MYO1E: variants seen among roughly 807,000 people sequenced by gnomAD.
MYO1E encodes the protein unconventional myosin-Ie.
A neutral mutation model predicts 151.1 loss-of-function variants in MYO1E; 68 were observed. The ratio of observed to expected loss-of-function variants is 0.45; its 90% CI spans 0.37 to 0.55. The LOEUF (loss-of-function observed/expected upper bound fraction) is 0.55, where lower values mean the gene tolerates loss of function less well. Among genes scored for constraint, MYO1E ranks in the 20% least tolerant of loss-of-function variants. MYO1E has a pLI of 0.00. For missense variants in MYO1E, 1,363 were observed against 1,389.3 expected, an observed-to-expected ratio of 0.98 and a Z score of 0.30; for synonymous variants, 601 against 501.7, an observed-to-expected ratio of 1.20 and a Z score of -2.64.
chr15:59,180,444 C>T (rs1475276053), intron 18 of MYO1E, among the ~76,000 whole-genome samples: 3 of 152,014 alleles, frequency 2.0e-5, no homozygotes, highest in African/African-American at 7.3e-5. Context: ...TTGGCTTGAT[C>T]TAACCTAAAA....
chr15:59,145,369 T>C (rs1486684299), intron 26 of MYO1E, among the ~76,000 whole-genome samples: 1 of 152,178 alleles, frequency 6.6e-6, no homozygotes. Flanking sequence ...TTGTCAAACA[T>C]GGCCATTATT....
At chr15:59,234,237 GATGGATGGGTGCATGGATGGATGGGTGC>G (rs1266380298) in intron 5 of MYO1E, among the ~76,000 whole-genome samples, 1 of 141,594 alleles carries the variant, frequency 7.1e-6, no homozygotes, top group East Asian at 2.0e-4. Flanking sequence ...TGGATGGATG[GATGGATGGGTGCATGGATGGATGGGTGC>G]ATGGATGGAT....
chr15:59,214,345 C>G lies in MYO1E; in HGVS notation c.1189-31G>C, dbSNP rs371720503. On this transcript the variant is annotated intron_variant, in intron 11 of 27. Transcript: ENST00000288235. ...AAAAAAAAGTTATTCACATGTAATT[C>G]TTTCACAAAATCATTTAAAAGTCAT... 1.1e-5 allele frequency: 16 copies of G among 1,480,022 alleles called. No individual in the cohort carries two copies. In the African/African-American group the frequency reaches 1.7e-4, roughly 15 times the overall value. The allele number at this position is 1,480,022 out of a possible 1,614,324, so 91.7% of individuals were successfully genotyped here. A position where few individuals can be genotyped will look rare whatever the true frequency, so the allele number is the denominator to read the frequency against.
chr15:59,224,195 C>T (rs770763572), intron 8 of MYO1E, among the ~76,000 whole-genome samples: 1 of 152,200 alleles, frequency 6.6e-6, no homozygotes, highest in Non-Finnish European at 1.5e-5. Context: ...CCATAACATA[C>T]ATGCAATGTG....
At chr15:59,338,249 T>G (rs1383047048) in intron 1 of MYO1E, among the ~76,000 whole-genome samples, 2 of 151,800 alleles carry the variant, frequency 1.3e-5, no homozygotes, top group African/African-American at 4.8e-5. Flanking sequence ...TAATATAATT[T>G]TTTATAATAG....
intron 14 of MYO1E, 153 bp downstream of exon 14, chr15:59,208,528 T>C (rs749996763): frequency 2.7e-5 from 25 of 931,182 alleles, no homozygotes; most frequent in Non-Finnish European, 4.3e-5. Context: ...CAGTAGTATA[T>C]ACAATCTTTT....
At chr15:59,216,722 ACAT>A (rs1158567901) in intron 10 of MYO1E, among the ~76,000 whole-genome samples, 81 of 133,856 alleles carry the variant, frequency 6.1e-4, no homozygotes, top group African/African-American at 1.8e-3. Flanking sequence ...ACACACACAC[ACAT>A]AATTATGCCA....
At chr15:59,351,903 C>A (rs753951899) in intron 1 of MYO1E, among the ~76,000 whole-genome samples, 2 of 152,182 alleles carry the variant, frequency 1.3e-5, no homozygotes, top group Admixed American at 6.5e-5. Flanking sequence ...AGGCTGGGCT[C>A]TTTTCAATGC....
chr15:59,320,815 A>G (rs537928581), intron 1 of MYO1E, among the ~76,000 whole-genome samples: 1 of 152,364 alleles, frequency 6.6e-6, no homozygotes, highest in East Asian at 1.9e-4. Context: ...AACTGCAACA[A>G]AAACAAAAAT....
At chr15:59,331,485 AG>A (rs147644163) in intron 1 of MYO1E, among the ~76,000 whole-genome samples, 4,896 of 152,316 alleles carry the variant, frequency 0.032, 128 homozygotes, top group South Asian at 0.061. Flanking sequence ...GAGATGGGAG[AG>A]GTAGAACAAT....
chr15:59,174,903 T>C (rs572073744), intron 19 of MYO1E, among the ~76,000 whole-genome samples: 1 of 152,250 alleles, frequency 6.6e-6, no homozygotes, highest in South Asian at 2.1e-4. Context: ...CATCAGCCTC[T>C]AGCAGGTCTT....
Position 59,161,057 on chromosome 15 carries a change from C to T in MYO1E, c.2785+16G>A, listed in dbSNP as rs1413503911. The T allele has an allele frequency of 6.2e-7, 1 of 1,612,542 alleles. No homozygotes were observed. ...AGCGGCGGCAGTTCTGCCTGCAGGG[C>T]CCGTGGAGCACTTACGGGAGTTCTT... On this transcript the variant is annotated intron_variant, in intron 24 of 27. Coordinates refer to ENST00000288235, the MANE Select transcript of MYO1E (RefSeq NM_004998.4).
chr15:59,161,157 G>C lies in MYO1E; in HGVS notation c.2701C>G (p.Gln901Glu). 6.2e-7 allele frequency: 1 copy of C among 1,614,136 alleles called. No individual in the cohort carries two copies. Among genetic ancestry groups the C allele is most frequent in the Non-Finnish European group, 8.5e-7 (1 of 1,180,040 alleles). ...AGGACAGCCAGGTCCCCAAACCCTT[G>C]GTGGAACTGCACTTGCCGGGAGCCC... is the stretch of plus-strand genomic sequence containing the variant. The part of the protein sequence containing the change: ...AGGSRQVQFH[Q>E]GFGDLAVLKP... Residue 901 changes from glutamine (Q) to glutamate (E), a missense_variant, in exon 24 of 28, where the codon CAA becomes GAA. Physicochemically the swap from Gln to Glu is conservative, Grantham distance 29. Transcript: ENST00000288235.
chr15:59,224,767 G>T lies in MYO1E; in HGVS notation c.699C>A (p.Asp233Glu), dbSNP rs779570949. ...QKHSLGITSMDYYYYLSLSGS... is the reference protein window; with the variant it reads ...QKHSLGITSMEYYYYLSLSGS... ...CCGAGAGGCTCAGGTAGTAATAATA[G>T]TCCATGCTGGTGATGCCAAGGCTGT... The change falls in exon 8 of 28, where the codon GAC becomes GAA. Residue 233 changes from aspartate to glutamate, a missense_variant. By Grantham distance (45) the Asp-to-Glu change is conservative. Coordinates refer to ENST00000288235, the MANE Select transcript of MYO1E (RefSeq NM_004998.4). 1.9e-6 allele frequency: 3 copies of T among 1,614,204 alleles called. No individual in the cohort carries two copies. Among genetic ancestry groups the T allele is most frequent in the Non-Finnish European group, 2.5e-6 (3 of 1,180,032 alleles).
In MYO1E at chr15:59,163,165, G is replaced by A. The variant is rs762581176; in HGVS notation, c.2619C>T (p.Phe873=). The A allele has an allele frequency of 6.2e-6, 10 of 1,613,944 alleles. No homozygotes were observed. The highest frequency in any genetic ancestry group is 1.3e-5 in the African/African-American group (1 of 74,882). ...EKTQKQLPLK[F]SNTLELKLKK... ...CCCAGATCCGGACTTACGTATTGCT[G>A]AATTTCAGAGGTAGTTGCTTCTGGG... Residue 873 remains phenylalanine, a synonymous_variant, in exon 23 of 28, where the codon TTC becomes TTT. Transcript: ENST00000288235.
chr15:59,277,332 C>T (rs1351001398), intron 1 of MYO1E, among the ~76,000 whole-genome samples: 2 of 152,070 alleles, frequency 1.3e-5, no homozygotes, highest in African/African-American at 4.8e-5. Flanking sequence ...GGATCACAAG[C>T]TCAAGAGATC....
chr15:59,201,323 G>C (rs537127515), intron 16 of MYO1E, among the ~76,000 whole-genome samples: 2 of 151,852 alleles, frequency 1.3e-5, no homozygotes, highest in South Asian at 4.2e-4. Context: ...CGAACTCCTG[G>C]GGTCAAGTAA....
At chr15:59,169,834 A>G (rs1023802125) in intron 22 of MYO1E, among the ~76,000 whole-genome samples, 1 of 152,182 alleles carries the variant, frequency 6.6e-6, no homozygotes, top group East Asian at 1.9e-4. Context: ...GGACTTATCA[A>G]TAAGATAGTA....
chr15:59,208,602 A>G (rs1332504936), intron 14 of MYO1E, 79 bp downstream of exon 14: 1 of 1,525,362 alleles, frequency 6.6e-7, no homozygotes, highest in Non-Finnish European at 9.1e-7. Context: ...GGCGAGCCAT[A>G]TGATTTGCTT....
Sources: gnomAD v4.1 joint callset for allele counts (sites outside exome capture counted in the v4.1 genomes callset) on GRCh38, gnomAD v4.1.1 for gene constraint, MANE v1.5 for transcripts, NCBI Gene and HGNC (gene_info 2026-07-23, HGNC 2026-07-21) for gene names.